The following PPP4R3A variants were observed in gnomAD, a reference collection of about 807,000 sequenced individuals.
The protein encoded by PPP4R3A is protein phosphatase 4 regulatory subunit 3A.
Under a neutral mutation model 91.7 loss-of-function variants are expected in PPP4R3A, and 15 were observed. That is an observed-to-expected ratio of 0.16 (90% CI 0.11 to 0.25). PPP4R3A has a LOEUF of 0.25. Among genes scored for constraint, PPP4R3A ranks in the 10% least tolerant of loss-of-function variants. The pLI is 1.00. For missense variants in PPP4R3A, 623 were observed against 998.4 expected (o/e 0.62, Z 5.07); for synonymous variants, 377 against 348.7 (o/e 1.08, Z -0.91).
At chr14:91,495,329 T>TGTGTGTGTGTGTG (rs1409046314) in intron 1 of PPP4R3A, among the ~76,000 whole-genome samples, 3 of 151,182 alleles carry the variant, frequency 2.0e-5, no homozygotes, top group Admixed American at 6.6e-5. Context: ...TGTGTGTATG[T>TGTGTGTGTGTGTG]TTTTTTTTAG....
In PPP4R3A at chr14:91,487,249, CAAAAAAAAAAA is replaced by C. The variant is rs35970764; in HGVS notation, c.199-1530_199-1520del. ...TGGGTGACAGAGTGAGAGTCCGTCT[CAAAAAAAAAAA>C]AAAAAAAAAAAAATCCTTTCAAATC... On this transcript the variant is annotated intron_variant, in intron 2 of 14. Coordinates refer to ENST00000554943, the MANE Select transcript of PPP4R3A (RefSeq NM_001366432.2). 8.7e-5 allele frequency among the ~76,000 whole-genome samples: 7 copies of C among 80,242 alleles called. No homozygotes were observed. The Admixed American group carries it at 9.4e-4, about 11-fold the overall frequency. 52.6% of individuals were successfully genotyped at this position (80,242 alleles called of 152,430 possible). A position where few individuals can be genotyped will look rare whatever the true frequency, so the allele number is the denominator to read the frequency against.
In PPP4R3A at chr14:91,509,915, G is replaced by GCGCAGCGCTTCGTAGCCTCCCGCCC; in HGVS notation, c.-293_-269dup. The GCGCAGCGCTTCGTAGCCTCCCGCCC allele has an allele frequency of 2.8e-6, 3 of 1,056,930 alleles. No homozygotes were observed. The South Asian group carries it at 1.3e-4, about 46-fold the overall frequency. 65.5% of individuals were successfully genotyped at this position (1,056,930 alleles called of 1,614,324 possible). A position where few individuals can be genotyped will look rare whatever the true frequency, so the allele number is the denominator to read the frequency against. ...GGCGCCCGGCAGCCCCGAGGGGGCCGCGCAGCGCTTCGTAGCCTCCCGCCC... is the reference window on the plus strand; with the variant it reads ...GGCGCCCGGCAGCCCCGAGGGGGCCGCGCAGCGCTTCGTAGCCTCCCGCCCCGCAGCGCTTCGTAGCCTCCCGCCC... On this transcript the variant is annotated 5_prime_UTR_variant, in exon 1 of 15. Coordinates refer to ENST00000554943, the MANE Select transcript of PPP4R3A (RefSeq NM_001366432.2).
intron 1 of PPP4R3A, among the ~76,000 whole-genome samples, chr14:91,491,025 C>T (rs1890207175): frequency 6.6e-6 from 1 of 151,444 alleles, no homozygotes; most frequent in African/African-American, 2.4e-5. Context: ...CCTGCCTCAG[C>T]CTCCCAAGGA....
rs571442738 is a variant in PPP4R3A at position 91,463,430 on chromosome 14, G to C, written c.1831-553C>G. Among the ~76,000 whole-genome samples, 7 of 151,948 alleles carry C rather than the reference G, an allele frequency of 4.6e-5. No homozygotes were observed. In the South Asian group the frequency reaches 8.3e-4, roughly 18 times the overall value. On this transcript the variant is annotated intron_variant, in intron 11 of 14. Transcript: ENST00000554943. ...TAGGTGATTCTGATTCTGATGTGCGGGCTGGGTATGTGTATTTTTTAGAGA... is the reference window on the plus strand; with the variant it reads ...TAGGTGATTCTGATTCTGATGTGCGCGCTGGGTATGTGTATTTTTTAGAGA...
At chr14:91,492,713 CT>C (rs11284459) in intron 1 of PPP4R3A, among the ~76,000 whole-genome samples, 57,203 of 152,040 alleles carry the variant, frequency 0.38, 11,017 homozygotes, top group East Asian at 0.47. Context: ...TTTCTTTGGG[CT>C]TTTTTTCTTT....
intron 3 of PPP4R3A, among the ~76,000 whole-genome samples, 200 bp from the exon 4 acceptor site, chr14:91,482,393 CAG>C (rs1410348127): frequency 1.3e-5 from 2 of 152,146 alleles, no homozygotes; most frequent in Non-Finnish European, 2.9e-5. Flanking sequence ...AGTTCAAAAA[CAG>C]AATGAGCTTC....
At chr14:91,466,657 G>T (rs538017241) in intron 10 of PPP4R3A, among the ~76,000 whole-genome samples, 7 of 152,060 alleles carry the variant, frequency 4.6e-5, no homozygotes, top group Non-Finnish European at 1.0e-4. Context: ...TACTCATGGT[G>T]AACTAAGACA....
intron 10 of PPP4R3A, 132 bp downstream of exon 10, chr14:91,470,704 TA>T: frequency 1.0e-6 from 1 of 976,432 alleles, no homozygotes; most frequent in Non-Finnish European, 1.5e-6. Flanking sequence ...CAAACCTGCA[TA>T]ATCAGTGGCA....
At chr14:91,489,176 G>A (rs1317149120) in intron 2 of PPP4R3A, among the ~76,000 whole-genome samples, 2 of 152,006 alleles carry the variant, frequency 1.3e-5, no homozygotes, top group Non-Finnish European at 1.5e-5. Context: ...CAAAGTGCTG[G>A]GATTACAGGT....
At chr14:91,476,277 CTTCT>C (rs1289110092) in intron 6 of PPP4R3A, 127 bp downstream of exon 6, 8 of 772,632 alleles carry the variant, frequency 1.0e-5, no homozygotes, top group Non-Finnish European at 1.7e-5. Context: ...AATTTTACAG[CTTCT>C]TTAACTTAAT....
intron 4 of PPP4R3A, among the ~76,000 whole-genome samples, chr14:91,479,894 C>T (rs1291796679): frequency 1.3e-5 from 2 of 152,176 alleles, no homozygotes; most frequent in African/African-American, 2.4e-5. Flanking sequence ...CTTGGCTTCC[C>T]AAAGTGGTGG....
intron 1 of PPP4R3A, among the ~76,000 whole-genome samples, chr14:91,500,633 G>A (rs1373493103): frequency 6.6e-6 from 1 of 152,004 alleles, no homozygotes; most frequent in African/African-American, 2.4e-5. Flanking sequence ...AACACATTAC[G>A]AATAAGAGGT....
intron 1 of PPP4R3A, among the ~76,000 whole-genome samples, chr14:91,494,539 G>A (rs530355539): frequency 6.6e-6 from 1 of 152,260 alleles, no homozygotes; most frequent in East Asian, 1.9e-4. Context: ...AAGATGCTCA[G>A]CATTAGTCAT....
At chr14:91,470,215 G>C (rs888585592) in intron 10 of PPP4R3A, among the ~76,000 whole-genome samples, 4 of 152,074 alleles carry the variant, frequency 2.6e-5, no homozygotes, top group African/African-American at 9.7e-5. Context: ...GAGATGTCTG[G>C]CTGCTGCTTG....
intron 1 of PPP4R3A, among the ~76,000 whole-genome samples, chr14:91,507,637 A>AT (rs1309643229): frequency 7.3e-4 from 29 of 39,588 alleles, no homozygotes; most frequent in African/African-American, 1.4e-3. Context: ...TATATACTAT[A>AT]ATAATATATA....
chr14:91,470,716 G>A (rs1162393542), intron 10 of PPP4R3A, 121 bp downstream of exon 10: 14 of 1,103,544 alleles, frequency 1.3e-5, no homozygotes, highest in Non-Finnish European at 1.6e-5. Context: ...ATCAGTGGCA[G>A]AGCTAGTATT....
chr14:91,484,013 G>A lies in PPP4R3A; in HGVS notation c.297+1619C>T, dbSNP rs1889725390. Among the ~76,000 whole-genome samples the A allele has an allele frequency of 1.3e-5, 2 of 152,150 alleles. 1 individual carries two copies. The highest frequency in any genetic ancestry group is 4.1e-4 in the South Asian group (2 of 4,838). ...AAGATGAGAGAGGAGAACAAGATTT[G>A]TCTGAATAACAGATGCTATTAACAT... On this transcript the variant is annotated intron_variant, in intron 3 of 14. Coordinates refer to ENST00000554943, the MANE Select transcript of PPP4R3A (RefSeq NM_001366432.2).
At chr14:91,493,441 C>T (rs901045877) in intron 1 of PPP4R3A, among the ~76,000 whole-genome samples, 3 of 150,656 alleles carry the variant, frequency 2.0e-5, no homozygotes, top group Non-Finnish European at 4.4e-5. Context: ...TACAGTGAGC[C>T]ATGATTGCGC....
chr14:91,506,551 GGTGT>G (rs547021516), intron 1 of PPP4R3A, among the ~76,000 whole-genome samples: 58 of 152,074 alleles, frequency 3.8e-4, no homozygotes, highest in Admixed American at 3.9e-4. Context: ...CTAAGTCCAT[GGTGT>G]GTGTGTATGT....
Sources: gnomAD v4.1 joint callset for allele counts (sites outside exome capture counted in the v4.1 genomes callset) on GRCh38, gnomAD v4.1.1 for gene constraint, MANE v1.5 for transcripts, NCBI Gene and HGNC (gene_info 2026-07-23, HGNC 2026-07-21) for gene names.